The following MED27 variants were observed in gnomAD, a reference collection of about 807,000 sequenced individuals.
MED27 encodes mediator complex subunit 27.
MED27 carries 30 observed loss-of-function variants against 38.2 expected under a neutral mutation model. The observed-to-expected ratio is 0.79, with a 90% confidence interval of 0.59 to 1.07. MED27 has a LOEUF of 1.07. Among genes scored for constraint, MED27 ranks in the 50% least tolerant of loss-of-function variants. The probability of loss-of-function intolerance (pLI) is 0.00; values close to 1 mark genes in which losing one functional copy is unlikely to be tolerated. For synonymous variants in MED27, 122 were observed against 153.5 expected (o/e 0.79, Z 1.52); for missense variants, 289 against 397.5 (o/e 0.73, Z 2.32).
At chr9:131,936,224 T>A (rs1397898007) in intron 4 of MED27, among the ~76,000 whole-genome samples, 5 of 151,824 alleles carry the variant, frequency 3.3e-5, no homozygotes, top group African/African-American at 1.2e-4. Context: ...GCCACCAGCA[T>A]GACCTGTCCT....
intron 2 of MED27, among the ~76,000 whole-genome samples, chr9:132,019,601 C>T (rs1832676610): frequency 6.6e-6 from 1 of 152,180 alleles, no homozygotes; most frequent in South Asian, 2.1e-4. Context: ...AAAGTAGATG[C>T]CAATCTTCCC....
At chr9:131,932,515 G>A (rs867558089) in intron 4 of MED27, among the ~76,000 whole-genome samples, 1 of 151,780 alleles carries the variant, frequency 6.6e-6, no homozygotes. Context: ...GGAAAACCTC[G>A]AGGAAACGGA....
chr9:131,885,741 G>A (rs958419344), intron 5 of MED27, among the ~76,000 whole-genome samples: 1 of 152,200 alleles, frequency 6.6e-6, no homozygotes, highest in Non-Finnish European at 1.5e-5. Flanking sequence ...TCTGTTTCAA[G>A]AGTTTAGAAC....
intron 2 of MED27, among the ~76,000 whole-genome samples, chr9:132,017,185 C>CTCCT (rs1832622292): frequency 6.6e-6 from 1 of 152,182 alleles, no homozygotes; most frequent in African/African-American, 2.4e-5. Flanking sequence ...TGACAGGCAG[C>CTCCT]TCCTGTCCAA....
At chr9:132,018,263 T>C (rs1342323057) in intron 2 of MED27, among the ~76,000 whole-genome samples, 5 of 152,248 alleles carry the variant, frequency 3.3e-5, no homozygotes, top group Non-Finnish European at 7.3e-5. Context: ...CCAAGGTCTT[T>C]ACAGAATCCT....
Position 131,862,988 on chromosome 9 carries a change from G to T in MED27, c.801+75C>A. 7.7e-7 allele frequency: 1 copy of T among 1,290,542 alleles called. No homozygotes were observed. Among genetic ancestry groups the T allele is most frequent in the Non-Finnish European group, 1.1e-6 (1 of 900,330 alleles). 79.9% of individuals were successfully genotyped at this position (1,290,542 alleles called of 1,614,324 possible). ...CTCAAAGTCTGAAGATGCAACGGCT[G>T]CCCTTCAAGCTCCCTGTTCTCACTT... On this transcript the variant is annotated intron_variant, in intron 7 of 7. Coordinates refer to ENST00000292035, the MANE Select transcript of MED27 (RefSeq NM_004269.4). This position sits in a 1 kb window ranked among gnomAD's most constrained non-coding sequence, Gnocchi z 4.6.
At chr9:132,036,584 A>G (rs1266018931) in intron 2 of MED27, among the ~76,000 whole-genome samples, 2 of 152,204 alleles carry the variant, frequency 1.3e-5, no homozygotes, top group Non-Finnish European at 2.9e-5. Flanking sequence ...CTGAGAAAAG[A>G]GCATGGCTCT....
At chr9:131,950,852 T>C (rs1830982971) in intron 3 of MED27, among the ~76,000 whole-genome samples, 1 of 152,222 alleles carries the variant, frequency 6.6e-6, no homozygotes, top group Non-Finnish European at 1.5e-5. Context: ...GGGACTGATT[T>C]AAGTAGACTG....
chr9:131,878,253 A>G (rs1411872854), intron 6 of MED27, among the ~76,000 whole-genome samples: 1 of 151,732 alleles, frequency 6.6e-6, no homozygotes, highest in Non-Finnish European at 1.5e-5. Flanking sequence ...AGCCTGGGCA[A>G]CAGAGCGAGA....
At chr9:132,007,903 T>C (rs1832391227) in intron 3 of MED27, among the ~76,000 whole-genome samples, 1 of 151,760 alleles carries the variant, frequency 6.6e-6, no homozygotes, top group Non-Finnish European at 1.5e-5. Flanking sequence ...AGACAGAATC[T>C]TTTCATGGAA....
chr9:131,868,798 G>A (rs1838778429), intron 6 of MED27: 1 of 985,488 alleles, frequency 1.0e-6, no homozygotes, highest in African/African-American at 1.7e-5. Flanking sequence ...CCCAGGGCAG[G>A]TAAGTCTTTG....
intron 2 of MED27, among the ~76,000 whole-genome samples, chr9:132,040,589 T>C (rs1049336501): frequency 4.6e-5 from 7 of 152,224 alleles, no homozygotes; most frequent in African/African-American, 7.2e-5. Context: ...TGTTTACTTT[T>C]AGCTGGGAGC....
intron 2 of MED27, among the ~76,000 whole-genome samples, chr9:132,048,241 T>C (rs1055531263): frequency 3.3e-5 from 5 of 152,198 alleles, no homozygotes; most frequent in African/African-American, 1.2e-4. Context: ...AGTCATGTTA[T>C]AGATTTTCCA....
chr9:131,942,272 T>C (rs1042941033), intron 3 of MED27, among the ~76,000 whole-genome samples: 1 of 152,100 alleles, frequency 6.6e-6, no homozygotes, highest in Non-Finnish European at 1.5e-5. Context: ...ACAAAAGGGG[T>C]GAGAAGTGAA....
chr9:131,900,912 A>G (rs1829932006), intron 4 of MED27, among the ~76,000 whole-genome samples: 2 of 151,356 alleles, frequency 1.3e-5, no homozygotes, highest in Non-Finnish European at 2.9e-5. Context: ...TACAGCAGAA[A>G]GAAAGAGAGA....
intron 2 of MED27, among the ~76,000 whole-genome samples, chr9:132,046,680 G>A (rs774378349): frequency 6.6e-6 from 1 of 152,158 alleles, no homozygotes; most frequent in Non-Finnish European, 1.5e-5. Flanking sequence ...AGCAGCTGCA[G>A]TGGGAACCCA....
intron 3 of MED27, among the ~76,000 whole-genome samples, chr9:131,952,512 G>A (rs1428014877): frequency 6.6e-6 from 1 of 152,180 alleles, no homozygotes; most frequent in East Asian, 1.9e-4. Flanking sequence ...AATGACCAGA[G>A]CCTTCACCCT....
intron 3 of MED27, among the ~76,000 whole-genome samples, chr9:131,950,559 A>G (rs1830975637): frequency 6.6e-6 from 1 of 152,196 alleles, no homozygotes; most frequent in Admixed American, 6.5e-5. Context: ...TACATGGTAG[A>G]TTTCACAAAA....
intron 2 of MED27, among the ~76,000 whole-genome samples, chr9:132,065,470 C>A (rs1833789831): frequency 6.6e-6 from 1 of 152,242 alleles, no homozygotes; most frequent in South Asian, 2.1e-4. Context: ...TGGTGCCTGT[C>A]TTGACACAGT....
Sources: gnomAD v4.1 joint callset for allele counts (sites outside exome capture counted in the v4.1 genomes callset) on GRCh38, gnomAD v4.1.1 for gene constraint, Gnocchi (gnomAD v3.1) non-coding constraint, MANE v1.5 for transcripts, NCBI Gene and HGNC (gene_info 2026-07-23, HGNC 2026-07-21) for gene names.